The following ABR variants were observed in gnomAD, a reference collection of about 807,000 sequenced individuals.
The protein encoded by ABR is ABR activator of RhoGEF and GTPase, also known as active breakpoint cluster region-related protein.
Under a neutral mutation model 107.2 loss-of-function variants are expected in ABR, and 35 were observed. The observed-to-expected ratio is 0.33, with a 90% CI of 0.25 to 0.43. The LOEUF is 0.43. Ranked by LOEUF, ABR falls within the 20% of genes least tolerant of loss-of-function variation. The pLI is 1.00. For missense variants in ABR, 815 were observed against 1,115.2 expected (o/e 0.73, Z 3.83); for synonymous variants, 498 against 462.0 (o/e 1.08, Z -1.00).
intron 16 of ABR, among the ~76,000 whole-genome samples, chr17:1,041,966 C>A (rs765893306): frequency 5.3e-5 from 8 of 152,108 alleles, no homozygotes; most frequent in Non-Finnish European, 1.2e-4. Context: ...CTGTGTGCTT[C>A]AACTACAGGA....
chr17:1,012,097 A>G (rs564564600), intron 18 of ABR, 112 bp from the exon 19 acceptor site: 1 of 1,550,778 alleles, frequency 6.4e-7, no homozygotes, highest in East Asian at 2.3e-5. Flanking sequence ...TGGGATGGAG[A>G]GCTGGGGCGG....
At chr17:1,094,801 A>G (rs1239358036) in intron 3 of ABR, among the ~76,000 whole-genome samples, 1 of 152,140 alleles carries the variant, frequency 6.6e-6, no homozygotes, top group African/African-American at 2.4e-5. Flanking sequence ...GGCTGCATGG[A>G]GGAGGCACAC....
At chr17:1,018,254 G>T (rs371054376) in intron 16 of ABR, among the ~76,000 whole-genome samples, 2 of 151,482 alleles carry the variant, frequency 1.3e-5, no homozygotes, top group Non-Finnish European at 2.9e-5. Flanking sequence ...GTGTTAGCCA[G>T]GATGGTCTTG....
chr17:1,221,655 G>C (rs2150760770), intron 1 of ABR, among the ~76,000 whole-genome samples: 1 of 152,202 alleles, frequency 6.6e-6, no homozygotes, highest in East Asian at 1.9e-4. Flanking sequence ...TTTGGGGGCT[G>C]GTTTGGGGAA....
chr17:1,045,620 T>C (rs2031469978), intron 16 of ABR, among the ~76,000 whole-genome samples: 1 of 152,236 alleles, frequency 6.6e-6, no homozygotes, highest in Non-Finnish European at 1.5e-5. Flanking sequence ...TGTGATGATA[T>C]TCCTCTCCCA....
intron 16 of ABR, among the ~76,000 whole-genome samples, chr17:1,040,430 C>T (rs980669775): frequency 5.9e-5 from 9 of 152,220 alleles, no homozygotes; most frequent in African/African-American, 2.2e-4. Flanking sequence ...TCAGAGCTGC[C>T]GTGCTGGGTC....
chr17:1,056,951 G>C lies in ABR; in HGVS notation c.1486+47C>G, dbSNP rs766570616. ...CCTTACGGGAAGCCGGCCACGCTCT[G>C]AGGGCTGGGACCTGCCGGTTGGGCC... On this transcript the variant is annotated intron_variant, in intron 13 of 22. Transcript: ENST00000302538. 3.6e-6 allele frequency: 5 copies of C among 1,392,480 alleles called. No homozygotes were observed. The South Asian group carries it at 5.8e-5, about 16-fold the overall frequency. The allele number at this position is 1,392,480 out of a possible 1,614,324, so 86.3% of individuals were successfully genotyped here.
chr17:1,143,960 C>G (rs1412687154), intron 1 of ABR, among the ~76,000 whole-genome samples: 2 of 152,106 alleles, frequency 1.3e-5, no homozygotes, highest in Non-Finnish European at 2.9e-5. Flanking sequence ...ATTTCATCCC[C>G]ACAGCCCAGG....
intron 12 of ABR, among the ~76,000 whole-genome samples, chr17:1,057,679 GTGTGTC>G (rs2033488245): frequency 6.6e-6 from 1 of 150,632 alleles, no homozygotes; most frequent in African/African-American, 2.4e-5. Flanking sequence ...GTGTGTGTGT[GTGTGTC>G]TCTGTGTGTG....
chr17:1,094,922 C>A (rs546535988), intron 3 of ABR, among the ~76,000 whole-genome samples: 5 of 152,126 alleles, frequency 3.3e-5, no homozygotes, highest in African/African-American at 7.2e-5. Context: ...GAGTGTCCCC[C>A]CAAGCCCAGG....
chr17:1,220,885 G>A (rs2043108649), intron 1 of ABR, among the ~76,000 whole-genome samples: 1 of 152,164 alleles, frequency 6.6e-6, no homozygotes, highest in African/African-American at 2.4e-5. Context: ...GAGAGAAAAG[G>A]GGTCTAAACG....
In ABR at chr17:1,078,681, A is replaced by T; in HGVS notation, c.700+649T>A. ...CTGGATGCCGCCAAAACGAAGGGGG[A>T]ATTCAGGTCCAGCCGCTCGCCCACC... On this transcript the variant is annotated intron_variant, in intron 6 of 22. Transcript: ENST00000302538. The surrounding 1 kb of genome is among the most constrained non-coding windows in gnomAD (Gnocchi z 7.5). The T allele has an allele frequency of 1.1e-6, 1 of 921,868 alleles. No individual in the cohort carries two copies. The highest frequency in any genetic ancestry group is 2.7e-5 in the East Asian group (1 of 37,054). 57.1% of individuals were successfully genotyped at this position (921,868 alleles called of 1,614,324 possible). A position where few individuals can be genotyped will look rare whatever the true frequency, so the allele number is the denominator to read the frequency against.
chr17:1,142,268 T>C (rs920387798), intron 1 of ABR, among the ~76,000 whole-genome samples: 2 of 151,994 alleles, frequency 1.3e-5, no homozygotes, highest in Non-Finnish European at 2.9e-5. Context: ...GACACTGAAG[T>C]GAGCGTCTTT....
At chr17:1,108,195 G>A (rs913104982) in intron 2 of ABR, among the ~76,000 whole-genome samples, 5 of 152,258 alleles carry the variant, frequency 3.3e-5, no homozygotes, top group African/African-American at 1.2e-4. Context: ...GTGTCCAGGA[G>A]AGAAAAAGGA....
chr17:1,151,057 A>G (rs1473096502), intron 1 of ABR, among the ~76,000 whole-genome samples: 1 of 152,102 alleles, frequency 6.6e-6, no homozygotes. Flanking sequence ...CACAGGCTCC[A>G]CCCCTTACCA....
At chr17:1,045,429 CGTCTTCTT>C (rs1281285716) in intron 16 of ABR, among the ~76,000 whole-genome samples, 10 of 151,380 alleles carry the variant, frequency 6.6e-5, no homozygotes, top group Non-Finnish European at 1.3e-4. Flanking sequence ...GACAATCTTC[CGTCTTCTT>C]ACAGCAGGAC....
intron 1 of ABR, among the ~76,000 whole-genome samples, chr17:1,159,019 T>G (rs1440476170): frequency 6.6e-6 from 1 of 152,238 alleles, no homozygotes; most frequent in African/African-American, 2.4e-5. Context: ...CATGCTTTCG[T>G]GCCTTGGACC....
At chr17:1,163,548 C>CGGA (rs2041392743) in intron 1 of ABR, among the ~76,000 whole-genome samples, 1 of 137,676 alleles carries the variant, frequency 7.3e-6, no homozygotes, top group East Asian at 2.2e-4. Flanking sequence ...CCAGGTGGGA[C>CGGA]CCTGGCAAAG....
chr17:1,179,477 C>G lies in ABR; in HGVS notation c.61+190G>C, dbSNP rs1034731981. 1.3e-4 allele frequency among the ~76,000 whole-genome samples: 19 copies of G among 150,698 alleles called. No homozygotes were observed. The highest frequency in any genetic ancestry group is 4.2e-4 in the South Asian group (2 of 4,742). On this transcript the variant is annotated intron_variant, in intron 1 of 22. Transcript: ENST00000302538. This position sits in a 1 kb window ranked among gnomAD's most constrained non-coding sequence, Gnocchi z 4.9. ...GACCAGCCCGGCTCCTGGGTCCCGA[C>G]CCCGATCCCGATTCCCAACCCGACC...
Sources: gnomAD v4.1 joint callset for allele counts (sites outside exome capture counted in the v4.1 genomes callset) on GRCh38, gnomAD v4.1.1 for gene constraint, Gnocchi (gnomAD v3.1) non-coding constraint, MANE v1.5 for transcripts, NCBI Gene and HGNC (gene_info 2026-07-23, HGNC 2026-07-21) for gene names.